FUT9: variants seen among roughly 807,000 people sequenced by gnomAD.
FUT9 encodes fucosyltransferase 9.
In FUT9, 15 loss-of-function variants were observed where a neutral mutation model predicts 29.7. The ratio of observed to expected loss-of-function variants is 0.51; its 90% CI spans 0.34 to 0.78. FUT9 has a LOEUF of 0.78. Ranked by LOEUF, FUT9 falls within the 30% of genes least tolerant of loss-of-function variation. The probability of loss-of-function intolerance (pLI) is 0.01; values close to 1 mark genes in which losing one functional copy is unlikely to be tolerated. For synonymous variants in FUT9, 169 were observed against 153.7 expected, an observed-to-expected ratio of 1.10 and a Z score of -0.74; for missense variants, 319 against 425.4, an observed-to-expected ratio of 0.75 and a Z score of 2.20.
chr6:96,213,570 T>C lies in FUT9; in HGVS notation c.*9335T>C, dbSNP rs187467468. 1.5e-4 allele frequency: 25 copies of C among 167,036 alleles called. No individual in the cohort carries two copies. Among genetic ancestry groups the C allele is most frequent in the African/African-American group, 5.5e-4 (23 of 41,566 alleles). 10.3% of individuals were successfully genotyped at this position (167,036 alleles called of 1,614,324 possible). On this transcript the variant is annotated 3_prime_UTR_variant, in exon 3 of 3. Transcript: ENST00000302103. The stretch of plus-strand genomic sequence containing the variant: ...TGTACAGTTTATAGGTTCGTGTTAT[T>C]TCTGATAAGAATTTAATTGCATTGT...
At chr6:96,178,922 T>A (rs143484091) in intron 2 of FUT9, among the ~76,000 whole-genome samples, 2,082 of 152,220 alleles carry the variant, frequency 0.014, 23 homozygotes, top group South Asian at 0.057. Context: ...TATGTCCTTT[T>A]TCTTTAAGGA....
intron 1 of FUT9, among the ~76,000 whole-genome samples, chr6:96,097,402 A>T (rs1268856756): frequency 6.6e-6 from 1 of 152,126 alleles, no homozygotes; most frequent in Non-Finnish European, 1.5e-5. Flanking sequence ...GAATATTTAC[A>T]CCATGGAAAT....
At chr6:96,130,259 T>C (rs1048519946) in intron 2 of FUT9, among the ~76,000 whole-genome samples, 6 of 152,132 alleles carry the variant, frequency 3.9e-5, no homozygotes, top group Non-Finnish European at 8.8e-5. Flanking sequence ...TTTGACTTTC[T>C]CTGCTATGAG....
At chr6:96,156,376 C>T (rs1044064261) in intron 2 of FUT9, among the ~76,000 whole-genome samples, 3 of 151,982 alleles carry the variant, frequency 2.0e-5, no homozygotes, top group Admixed American at 6.6e-5. Flanking sequence ...TGTCTCATGA[C>T]CAGGAAAAAT....
chr6:96,138,483 CTTT>C (rs58250483), intron 2 of FUT9, among the ~76,000 whole-genome samples: 20 of 141,892 alleles, frequency 1.4e-4, no homozygotes, highest in East Asian at 4.0e-4. Flanking sequence ...GTGTTCCTTG[CTTT>C]TTTTTTTTTT....
intron 1 of FUT9, among the ~76,000 whole-genome samples, chr6:96,109,159 A>G (rs1771750717): frequency 6.6e-6 from 1 of 152,202 alleles, no homozygotes; most frequent in African/African-American, 2.4e-5. Flanking sequence ...TCAAAATTCA[A>G]TGTCCTTTAA....
chr6:96,074,229 T>C (rs2127948506), intron 1 of FUT9, among the ~76,000 whole-genome samples: 2 of 152,312 alleles, frequency 1.3e-5, no homozygotes, highest in Middle Eastern at 3.4e-3. Flanking sequence ...CGTGGCCTAT[T>C]AGCACAGCCG....
intron 2 of FUT9, among the ~76,000 whole-genome samples, chr6:96,199,818 C>A (rs1773695893): frequency 6.6e-6 from 1 of 152,132 alleles, no homozygotes; most frequent in South Asian, 2.1e-4. Flanking sequence ...AGTTGAGATG[C>A]AGCAATTCAC....
chr6:96,092,098 CAAT>C (rs1309932156), intron 1 of FUT9, among the ~76,000 whole-genome samples: 1 of 151,970 alleles, frequency 6.6e-6, no homozygotes, highest in Non-Finnish European at 1.5e-5. Flanking sequence ...CCCAAATGGA[CAAT>C]AATACTTTAA....
At chr6:96,097,361 T>C (rs1436714404) in intron 1 of FUT9, among the ~76,000 whole-genome samples, 1 of 152,164 alleles carries the variant, frequency 6.6e-6, no homozygotes, top group Non-Finnish European at 1.5e-5. Flanking sequence ...TTTTGCGACA[T>C]ATGTAGGTAG....
chr6:96,078,473 T>TGCA (rs1338014502), intron 1 of FUT9, among the ~76,000 whole-genome samples: 1 of 126,940 alleles, frequency 7.9e-6, no homozygotes, highest in Non-Finnish European at 1.6e-5. Context: ...CAGGCTGGAG[T>TGCA]GCAGTGGCGC....
intron 1 of FUT9, among the ~76,000 whole-genome samples, chr6:96,093,613 C>T (rs1771449775): frequency 6.6e-6 from 1 of 152,002 alleles, no homozygotes. Flanking sequence ...ATCCCTGCAA[C>T]AAAAATTAGA....
intron 2 of FUT9, among the ~76,000 whole-genome samples, chr6:96,155,983 G>T (rs1057498985): frequency 5.9e-5 from 9 of 152,146 alleles, no homozygotes; most frequent in African/African-American, 2.2e-4. Context: ...TCTTTTGGAG[G>T]TTATAAAACC....
At chr6:96,058,619 G>A (rs1350484331) in intron 1 of FUT9, among the ~76,000 whole-genome samples, 2 of 152,118 alleles carry the variant, frequency 1.3e-5, no homozygotes, top group Non-Finnish European at 2.9e-5. Flanking sequence ...ACAAACGAAT[G>A]TTTGAAGAAC....
intron 2 of FUT9, among the ~76,000 whole-genome samples, chr6:96,188,855 C>A (rs6933968): frequency 0.93 from 141,955 of 151,974 alleles, 67,094 homozygotes; most frequent in East Asian, 1. Context: ...TCAGTCATAA[C>A]ACATACGTTG....
At chr6:96,173,783 T>TG in intron 2 of FUT9, among the ~76,000 whole-genome samples, 1 of 149,982 alleles carries the variant, frequency 6.7e-6, no homozygotes, top group Non-Finnish European at 1.5e-5. Context: ...AAATTTTTTT[T>TG]CTCTAATACT....
At chr6:96,177,840 C>A (rs1582287836) in intron 2 of FUT9, among the ~76,000 whole-genome samples, 1 of 152,086 alleles carries the variant, frequency 6.6e-6, no homozygotes, top group African/African-American at 2.4e-5. Context: ...AATATAGAGT[C>A]TGCCACATAG....
At chr6:96,101,966 T>A (rs1158480135) in intron 1 of FUT9, among the ~76,000 whole-genome samples, 1 of 152,154 alleles carries the variant, frequency 6.6e-6, no homozygotes, top group Non-Finnish European at 1.5e-5. Context: ...ATATATTTAA[T>A]AGTTACTTAT....
chr6:96,023,460 G>A (rs1217248909), intron 1 of FUT9, among the ~76,000 whole-genome samples: 5 of 151,888 alleles, frequency 3.3e-5, no homozygotes, highest in Non-Finnish European at 5.9e-5. Flanking sequence ...CACTTATGCT[G>A]ACTTATGTAC....
Sources: gnomAD v4.1 joint callset for allele counts (sites outside exome capture counted in the v4.1 genomes callset) on GRCh38, gnomAD v4.1.1 for gene constraint, MANE v1.5 for transcripts, NCBI Gene and HGNC (gene_info 2026-07-23, HGNC 2026-07-21) for gene names.